Variants in ARSF observed in about 807,000 individuals in gnomAD.
ARSF encodes the protein arylsulfatase F.
In ARSF, 33 loss-of-function variants were observed where a neutral mutation model predicts 35.4. That is an observed-to-expected ratio of 0.93 (90% CI 0.71 to 1.25). The LOEUF (loss-of-function observed/expected upper bound fraction) is 1.25, where lower values mean the gene tolerates loss of function less well. Ranked by LOEUF, ARSF falls within the 50% of genes most tolerant of loss-of-function variation. ARSF has a pLI of 0.00. For missense variants in ARSF, 501 were observed against 480.2 expected, an observed-to-expected ratio of 1.04 and a Z score of -0.40; for synonymous variants, 222 against 193.1, an observed-to-expected ratio of 1.15 and a Z score of -1.24.
intron 6 of ARSF, 51 bp from the exon 7 acceptor site, chrX:3,089,445 A>G: frequency 8.5e-7 from 1 of 1,180,295 alleles, no homozygotes; most frequent in Non-Finnish European, 1.1e-6. Flanking sequence ...AATAGTTTTC[A>G]CATTCATAGA....
chrX:3,098,178 T>C (rs1273778201), intron 7 of ARSF, among the ~76,000 whole-genome samples: 1 of 108,823 alleles, frequency 9.2e-6, no homozygotes, highest in Non-Finnish European at 1.9e-5. Flanking sequence ...TTGACAAGGG[T>C]GGTCTCAAAT....
intron 3 of ARSF, among the ~76,000 whole-genome samples, chrX:3,073,589 T>C (rs867546952): frequency 1.0e-5 from 1 of 99,674 alleles, no homozygotes; most frequent in Non-Finnish European, 2.0e-5. Context: ...ATATAAATAT[T>C]TTAATATAAA....
rs759350293 is a variant in ARSF, at chrX:3,084,676, A to G, written c.830+10A>G. The G allele has an allele frequency of 1.7e-6, 2 of 1,146,266 alleles. No individual in the cohort carries two copies. The highest frequency in any genetic ancestry group is 2.1e-5 in the South Asian group (1 of 47,438). 94.5% of individuals were successfully genotyped at this position (1,146,266 alleles called of 1,213,427 possible). On this transcript the variant is annotated intron_variant, in intron 6 of 10. Coordinates refer to ENST00000381127, the MANE Select transcript of ARSF (RefSeq NM_001201539.2). ...TTTCCTTTTTAGAAAGGTAAGCGGA[A>G]TAATTACAAATTCATGTAATAATGA...
Position 3,070,258 on chromosome X carries a change from G to A in ARSF, c.12-1768G>A, listed in dbSNP as rs147991980. On this transcript the variant is annotated intron_variant, in intron 2 of 10. Transcript: ENST00000381127. ...TTTTTAACGCTGAATAATATTCCAC[G>A]GTGTATATGTACCGCATTTTCTTTA... Among the ~76,000 whole-genome samples, 141 of 111,467 alleles carry A rather than the reference G, an allele frequency of 1.3e-3. 1 individual carries two copies. The highest frequency in any genetic ancestry group is 4.3e-3 in the African/African-American group (131 of 30,710).
At chrX:3,087,130 G>T (rs1018459358) in intron 6 of ARSF, among the ~76,000 whole-genome samples, 4 of 111,548 alleles carry the variant, frequency 3.6e-5, no homozygotes, top group African/African-American at 1.3e-4. Flanking sequence ...TTTGTCTCAT[G>T]ATCCTTAATT....
intron 7 of ARSF, among the ~76,000 whole-genome samples, chrX:3,090,004 T>C (rs2090277432): frequency 9.0e-6 from 1 of 111,236 alleles, no homozygotes; most frequent in Non-Finnish European, 1.9e-5. Flanking sequence ...GTTTAGGATA[T>C]GATCAAACCC....
chrX:3,079,673 G>A (rs1471249564), intron 4 of ARSF, among the ~76,000 whole-genome samples: 2 of 109,666 alleles, frequency 1.8e-5, no homozygotes, highest in South Asian at 4.0e-4. Flanking sequence ...GGTGAGGGAA[G>A]TGGGCTTGGG....
At chrX:3,093,292 G>A (rs5983006) in intron 7 of ARSF, among the ~76,000 whole-genome samples, 31,583 of 110,945 alleles carry the variant, frequency 0.28, 3,831 homozygotes, top group African/African-American at 0.46. Context: ...CAGGGAGTAC[G>A]CATGCAGGTT....
Position 3,101,134 on chromosome X carries a change from C to T in ARSF, c.1015C>T (p.Leu339Phe), listed in dbSNP as rs765196782. 43 of 1,208,785 alleles carry T rather than the reference C, an allele frequency of 3.6e-5. No homozygotes were observed. In the East Asian group the frequency reaches 8.6e-4, roughly 24 times the overall value. ...IDDFGLRNNTLVYFTSDHGGH... is the reference protein window; with the variant it reads ...IDDFGLRNNTFVYFTSDHGGH... ...TGATTTTGGCCTAAGGAACAACACC[C>T]TTGTCTACTTTACATCAGATCACGG... The change falls in exon 8 of 11, where the codon CTT (leucine) becomes TTT (phenylalanine). Residue 339 changes from leucine (L) to phenylalanine (F), a missense_variant. Coordinates refer to ENST00000381127, the MANE Select transcript of ARSF (RefSeq NM_001201539.2).
rs149153342 is a variant in ARSF at position 3,062,355 on chromosome X, T to G, written c.-28-5718T>G. Among the ~76,000 whole-genome samples, 1,060 of 111,300 alleles carry G rather than the reference T, an allele frequency of 9.5e-3. 16 individuals are homozygous for G. The highest frequency in any genetic ancestry group is 0.033 in the African/African-American group (1,006 of 30,675). On this transcript the variant is annotated intron_variant, in intron 1 of 10. Coordinates refer to ENST00000381127, the MANE Select transcript of ARSF (RefSeq NM_001201539.2). ...AATGCCCACAGAAGAAAGCAGGAAA[T>G]ATCTAAAATCAACACCCTAACATCA...
In ARSF at chrX:3,047,342, C is replaced by G. The variant is rs1229534999; in HGVS notation, c.-29+5679C>G. 1.8e-4 allele frequency among the ~76,000 whole-genome samples: 20 copies of G among 110,321 alleles called. No individual in the cohort carries two copies. The Admixed American group carries it at 1.9e-3, about 10-fold the overall frequency. ...TACAGGCACACGCCACCATGCCCGG[C>G]TAATTTTTCTATTTTTTGGTAGAGA... On this transcript the variant is annotated intron_variant, in intron 1 of 10. Coordinates refer to ENST00000381127, the MANE Select transcript of ARSF (RefSeq NM_001201539.2).
At chrX:3,062,689 A>T (rs1182685349) in intron 1 of ARSF, among the ~76,000 whole-genome samples, 1 of 112,160 alleles carries the variant, frequency 8.9e-6, no homozygotes. Flanking sequence ...TATGCAAATG[A>T]ACTAGAAAAT....
In ARSF at chrX:3,101,109, T is replaced by C; in HGVS notation, c.990T>C (p.Asp330=). ...SMVGKILDAI[D]DFGLRNNTLV... is the part of the protein sequence containing the mutation. Reference sequence around the variant, plus strand: ...TAGGCAAGATTCTTGATGCTATCGATGATTTTGGCCTAAGGAACAACACCC... The same window carrying C: ...TAGGCAAGATTCTTGATGCTATCGACGATTTTGGCCTAAGGAACAACACCC... The change falls in exon 8 of 11, where the codon GAT becomes GAC. Residue 330 remains aspartate (D), a synonymous_variant. Coordinates refer to ENST00000381127, the MANE Select transcript of ARSF (RefSeq NM_001201539.2). 1 of 1,210,152 alleles carries C rather than the reference T, an allele frequency of 8.3e-7. No individual in the cohort carries two copies. Among genetic ancestry groups the C allele is most frequent in the Non-Finnish European group, 1.1e-6 (1 of 894,561 alleles).
intron 1 of ARSF, among the ~76,000 whole-genome samples, chrX:3,053,720 C>G (rs1361147747): frequency 9.2e-6 from 1 of 108,347 alleles, no homozygotes; most frequent in African/African-American, 3.4e-5. Flanking sequence ...CTTGCCTCAG[C>G]CTTCCGGACC....
intron 1 of ARSF, among the ~76,000 whole-genome samples, chrX:3,049,310 G>T (rs1478679892): frequency 4.7e-5 from 4 of 84,779 alleles, no homozygotes; most frequent in Non-Finnish European, 6.3e-5. Context: ...TCTTTGATCA[G>T]AATACACAAT....
intron 8 of ARSF, among the ~76,000 whole-genome samples, chrX:3,102,840 A>C (rs756559791): frequency 2.7e-5 from 3 of 110,291 alleles, no homozygotes; most frequent in Admixed American, 9.7e-5. Context: ...TGAACCCAGG[A>C]GGCGGAGGTT....
intron 7 of ARSF, among the ~76,000 whole-genome samples, chrX:3,093,660 G>A (rs902102024): frequency 9.0e-6 from 1 of 111,708 alleles, no homozygotes; most frequent in Non-Finnish European, 1.9e-5. Flanking sequence ...ATGTAGATTG[G>A]TTCTATGTCT....
At chrX:3,045,865 G>GT (rs1252739556) in intron 1 of ARSF, among the ~76,000 whole-genome samples, 17 of 108,729 alleles carry the variant, frequency 1.6e-4, no homozygotes, top group East Asian at 5.9e-4. Flanking sequence ...CATGTCGCCT[G>GT]TTTTTTTTGT....
At chrX:3,070,582 T>A (rs2090096097) in intron 2 of ARSF, among the ~76,000 whole-genome samples, 1 of 110,834 alleles carries the variant, frequency 9.0e-6, no homozygotes, top group African/African-American at 3.3e-5. Context: ...TTTAGCCTTT[T>A]AAAAAAAATT....
Sources: gnomAD v4.1 joint callset for allele counts (sites outside exome capture counted in the v4.1 genomes callset) on GRCh38, gnomAD v4.1.1 for gene constraint, MANE v1.5 for transcripts, NCBI Gene and HGNC (gene_info 2026-07-23, HGNC 2026-07-21) for gene names.